Variants in MTUS2 observed in about 807,000 individuals in gnomAD.
MTUS2 encodes the protein microtubule-associated tumor suppressor candidate 2.
A neutral mutation model predicts 114.1 loss-of-function variants in MTUS2; 40 were observed. The ratio of observed to expected loss-of-function variants is 0.35; its 90% CI spans 0.27 to 0.46. The LOEUF is 0.46. MTUS2 is among the 20% of genes least tolerant of loss of function. The probability of loss-of-function intolerance (pLI) is 1.00; values close to 1 mark genes in which losing one functional copy is unlikely to be tolerated. For missense variants in MTUS2, 1,679 were observed against 1,705.4 expected (o/e 0.98, Z 0.27); for synonymous variants, 688 against 672.0 (o/e 1.02, Z -0.37).
chr13:29,271,525 G>A (rs1897880965), intron 5 of MTUS2, among the ~76,000 whole-genome samples: 3 of 152,126 alleles, frequency 2.0e-5, no homozygotes, highest in Admixed American at 6.5e-5. Flanking sequence ...TAGTACCTTC[G>A]CATATCCCCT....
chr13:28,846,055 A>AATAT (rs10684198), intron 2 of MTUS2, among the ~76,000 whole-genome samples: 11,742 of 143,016 alleles, frequency 0.082, 598 homozygotes, highest in Admixed American at 0.12. Context: ...TTAAAAAAAA[A>AATAT]ATATATATAT....
At chr13:29,370,383 GC>G (rs1871100639) in intron 8 of MTUS2, among the ~76,000 whole-genome samples, 1 of 151,912 alleles carries the variant, frequency 6.6e-6, no homozygotes, top group African/African-American at 2.4e-5. Flanking sequence ...GATCACTTGA[GC>G]CCAGGATGCA....
At chr13:29,285,062 T>A (rs7327261) in intron 6 of MTUS2, among the ~76,000 whole-genome samples, 18,971 of 151,412 alleles carry the variant, frequency 0.13, 1,281 homozygotes, top group Non-Finnish European at 0.13. Context: ...ACCTATGGGG[T>A]CAACTTGAAT....
chr13:29,115,364 A>G (rs968331128), intron 5 of MTUS2, among the ~76,000 whole-genome samples: 1 of 152,206 alleles, frequency 6.6e-6, no homozygotes, highest in Non-Finnish European at 1.5e-5. Context: ...GAGTTTGAAT[A>G]TCAAGGAGTC....
intron 8 of MTUS2, chr13:29,428,973 G>C: frequency 6.9e-7 from 1 of 1,441,820 alleles, no homozygotes; most frequent in Non-Finnish European, 9.8e-7. Flanking sequence ...CAGCCACCTC[G>C]GTGCCTGTCC....
In MTUS2 at chr13:28,950,271, T is replaced by G. The variant is rs1232506318; in HGVS notation, c.-242-74186T>G. 2.0e-5 allele frequency among the ~76,000 whole-genome samples: 3 copies of G among 152,248 alleles called. No individual in the cohort carries two copies. In the East Asian group the frequency reaches 5.8e-4, roughly 29 times the overall value. Reference sequence around the variant, plus strand: ...TTTGGAGAAATTTGTATTCAAGTCCTTTGCTCATTTTTAATCAGGTTATTT... The same window carrying G: ...TTTGGAGAAATTTGTATTCAAGTCCGTTGCTCATTTTTAATCAGGTTATTT... On this transcript the variant is annotated intron_variant, in intron 2 of 15. Coordinates refer to ENST00000612955, the MANE Select transcript of MTUS2 (RefSeq NM_001033602.4).
At chr13:29,420,427 G>A (rs528290244) in intron 8 of MTUS2, among the ~76,000 whole-genome samples, 11 of 151,814 alleles carry the variant, frequency 7.2e-5, no homozygotes, top group Admixed American at 2.6e-4. Flanking sequence ...TCAGGCCCCC[G>A]CTGCCGCGCC....
At chr13:28,824,975 T>C (rs1593223754) in intron 1 of MTUS2, among the ~76,000 whole-genome samples, 1 of 152,006 alleles carries the variant, frequency 6.6e-6, no homozygotes, top group South Asian at 2.1e-4. Context: ...CTAAAGGAGA[T>C]GGAAGAGTGA....
At chr13:29,426,039 T>G (rs1228964561) in intron 8 of MTUS2, among the ~76,000 whole-genome samples, 1 of 152,166 alleles carries the variant, frequency 6.6e-6, no homozygotes, top group African/African-American at 2.4e-5. Flanking sequence ...AAGAAAGCAT[T>G]CTTTAAATCA....
intron 5 of MTUS2, among the ~76,000 whole-genome samples, chr13:29,279,433 C>T (rs1381320083): frequency 6.6e-6 from 1 of 152,154 alleles, no homozygotes; most frequent in Non-Finnish European, 1.5e-5. Flanking sequence ...CTCACACAAG[C>T]AGTTTATTTC....
chr13:29,074,264 C>G (rs1033264733), intron 4 of MTUS2, among the ~76,000 whole-genome samples: 1 of 152,186 alleles, frequency 6.6e-6, no homozygotes, highest in African/African-American at 2.4e-5. Flanking sequence ...ACTTGACTAG[C>G]TCCTTTTTAT....
At chr13:29,335,258 A>G (rs1900995852) in intron 7 of MTUS2, among the ~76,000 whole-genome samples, 1 of 152,150 alleles carries the variant, frequency 6.6e-6, no homozygotes, top group Non-Finnish European at 1.5e-5. Context: ...AAGGGATGAA[A>G]TAAGCCCCGG....
chr13:29,024,860 T>C lies in MTUS2; in HGVS notation c.162T>C (p.Cys54=), dbSNP rs796114538. ...VSSSHDESKT[C]DLGDEIGNTN... is the part of the protein sequence containing the mutation. Reference sequence around the variant, plus strand: ...CCTCTCATGACGAGTCCAAGACATGTGACCTGGGAGATGAAATTGGAAATA... The same window carrying C: ...CCTCTCATGACGAGTCCAAGACATGCGACCTGGGAGATGAAATTGGAAATA... Residue 54 remains cysteine (C), a synonymous_variant, in exon 3 of 16, where the codon TGT becomes TGC. Coordinates refer to ENST00000612955, the MANE Select transcript of MTUS2 (RefSeq NM_001033602.4). 8 of 1,614,024 alleles carry C rather than the reference T, an allele frequency of 5.0e-6. No individual in the cohort carries two copies. The African/African-American group carries it at 9.3e-5, about 19-fold the overall frequency.
chr13:29,051,061 A>G (rs1440294218), intron 4 of MTUS2, among the ~76,000 whole-genome samples: 1 of 152,240 alleles, frequency 6.6e-6, no homozygotes, highest in South Asian at 2.1e-4. Flanking sequence ...TTATGTTTTT[A>G]CAAAGATTAT....
chr13:29,470,214 G>T (rs7326700), intron 9 of MTUS2, among the ~76,000 whole-genome samples: 3 of 151,930 alleles, frequency 2.0e-5, no homozygotes, highest in Admixed American at 1.3e-4. Flanking sequence ...TAATAACTCA[G>T]TACTGTATAA....
At chr13:28,872,277 G>C (rs1451199598) in intron 2 of MTUS2, among the ~76,000 whole-genome samples, 3 of 152,140 alleles carry the variant, frequency 2.0e-5, no homozygotes, top group African/African-American at 7.2e-5. Context: ...GTAAGGGAAA[G>C]AGAGGAATTG....
chr13:28,869,247 T>A (rs900753849), intron 2 of MTUS2, among the ~76,000 whole-genome samples: 2 of 152,200 alleles, frequency 1.3e-5, no homozygotes, highest in African/African-American at 2.4e-5. Context: ...GCTAAGTAAT[T>A]AAAGTTGGCT....
At chr13:29,429,560 A>C (rs867869822) in intron 8 of MTUS2, among the ~76,000 whole-genome samples, 1 of 152,232 alleles carries the variant, frequency 6.6e-6, no homozygotes, top group Non-Finnish European at 1.5e-5. Context: ...CAATTCCAAC[A>C]CAAAGCCTTT....
intron 5 of MTUS2, among the ~76,000 whole-genome samples, chr13:29,114,265 T>G (rs975097434): frequency 2.6e-5 from 4 of 152,166 alleles, no homozygotes; most frequent in African/African-American, 9.7e-5. Flanking sequence ...ACGTTTTCAC[T>G]TTAAAGCTTT....
Sources: allele counts gnomAD v4.1 joint callset (sites outside exome capture counted in the v4.1 genomes callset), GRCh38; gene constraint gnomAD v4.1.1; transcripts MANE v1.5; gene names NCBI Gene and HGNC (gene_info 2026-07-23, HGNC 2026-07-21).